BAMBI: variants seen among roughly 807,000 people sequenced by gnomAD.
The protein encoded by BAMBI is BMP and activin membrane-bound inhibitor homolog.
In BAMBI, 21 loss-of-function variants were observed where a neutral mutation model predicts 24.1. The ratio of observed to expected loss-of-function variants is 0.87; its 90% CI spans 0.62 to 1.26. BAMBI has a LOEUF of 1.26. Among genes scored for constraint, BAMBI ranks in the 50% most tolerant of loss-of-function variants. The pLI, the probability that BAMBI is intolerant of heterozygous loss-of-function variation, is 0.00. For missense variants in BAMBI, 388 were observed against 329.1 expected, an observed-to-expected ratio of 1.18 and a Z score of -1.38; for synonymous variants, 156 against 123.1, an observed-to-expected ratio of 1.27 and a Z score of -1.77.
In BAMBI at chr10:28,677,946, T is replaced by C; in HGVS notation, c.49T>C (p.Cys17Arg). ...YIFIWLQLEL[C>R]AMAVLLTKGE... ...CTTCATCTGGCTGCAGCTGGAGCTCTGCGCCATGGCCGTGCTGCTCACCAA... is the reference window on the plus strand; with the variant it reads ...CTTCATCTGGCTGCAGCTGGAGCTCCGCGCCATGGCCGTGCTGCTCACCAA... Residue 17 changes from cysteine (C) to arginine (R), a missense_variant, in exon 1 of 3, where the codon TGC becomes CGC. By Grantham distance (180) the Cys-to-Arg change is radical (BLOSUM62 -3). Transcript: ENST00000375533. 1 of 1,535,218 alleles carries C rather than the reference T, an allele frequency of 6.5e-7. No individual in the cohort carries two copies. The highest frequency in any genetic ancestry group is 8.7e-7 in the Non-Finnish European group (1 of 1,147,532).
chr10:28,677,981 C>A lies in BAMBI; in HGVS notation c.76+8C>A. 1 of 1,515,172 alleles carries A rather than the reference C, an allele frequency of 6.6e-7. No homozygotes were observed. The allele number at this position is 1,515,172 out of a possible 1,614,324, so 93.9% of individuals were successfully genotyped here. A position where few individuals can be genotyped will look rare whatever the true frequency, so the allele number is the denominator to read the frequency against. On this transcript the variant is annotated splice_region_variant and intron_variant, in intron 1 of 2. Transcript: ENST00000375533. ...CCGTGCTGCTCACCAAAGGTGGGTG[C>A]CGGGGGCGCACGGGGCCCGGGGTCC...
At position 28,682,283 on chromosome 10, in the gene BAMBI, A is replaced by G. The variant is rs1834507926; in HGVS notation, c.665A>G (p.His222Arg). ...DLECMVPVSG[H>R]ENCCLTCDKM... ...GAATGCATGGTGCCGGTCAGTGGGC[A>G]CGAGAACTGCTGTCTGACCTGTGAT... The change falls in exon 3 of 3, where the codon CAC becomes CGC. Residue 222 changes from histidine (H) to arginine (R), a missense_variant. By Grantham distance (29) the His-to-Arg change is conservative (BLOSUM62 0). Transcript: ENST00000375533. The G allele has an allele frequency of 3.1e-6, 5 of 1,614,048 alleles. No individual in the cohort carries two copies. The highest frequency in any genetic ancestry group is 4.2e-6 in the Non-Finnish European group (5 of 1,180,036).
chr10:28,681,367 T>A lies in BAMBI; in HGVS notation c.186T>A (p.Asn62Lys). 6.2e-7 allele frequency: 1 copy of A among 1,614,190 alleles called. No individual in the cohort carries two copies. The highest frequency in any genetic ancestry group is 1.3e-5 in the African/African-American group (1 of 75,062). ...GACTTCTTGATCCTCAGAACTCAAA[T>A]TCCCCACTCACCCATGGCTGCCTGG... ...FSRLLDPQNS[N>K]SPLTHGCLDS... The change falls in exon 2 of 3, where the codon AAT (asparagine) becomes AAA (lysine). Residue 62 changes from asparagine (N) to lysine (K), a missense_variant. Physicochemically the swap from Asn to Lys is moderately conservative, Grantham distance 94. Transcript: ENST00000375533.
chr10:28,682,288 A>T lies in BAMBI; in HGVS notation c.670A>T (p.Asn224Tyr). The change falls in exon 3 of 3, where the codon AAC becomes TAC. Residue 224 changes from asparagine (N) to tyrosine (Y), a missense_variant. Transcript: ENST00000375533. Reference protein sequence around the residue: ...ECMVPVSGHENCCLTCDKMRQ... With the variant: ...ECMVPVSGHEYCCLTCDKMRQ... Reference sequence around the variant, plus strand: ...CATGGTGCCGGTCAGTGGGCACGAGAACTGCTGTCTGACCTGTGATAAAAT... The same window carrying T: ...CATGGTGCCGGTCAGTGGGCACGAGTACTGCTGTCTGACCTGTGATAAAAT... 6.2e-7 allele frequency: 1 copy of T among 1,614,124 alleles called. No homozygotes were observed.
Position 28,679,318 on chromosome 10 carries a change from G to A in BAMBI, c.76+1345G>A, listed in dbSNP as rs187872884. ...AAAGAAGCCAGCAGTCTCTCCTGTA[G>A]CCATCTTGACTAAAGCAGACATTTT... is the stretch of plus-strand genomic sequence containing the variant. On this transcript the variant is annotated intron_variant, in intron 1 of 2. Transcript: ENST00000375533. Among the ~76,000 whole-genome samples the A allele has an allele frequency of 4.6e-5, 7 of 152,318 alleles. No individual in the cohort carries two copies. The East Asian group carries it at 1.4e-3, about 29-fold the overall frequency.
rs185161349 is a variant in BAMBI, at chr10:28,681,666, G to A, written c.364+121G>A. The stretch of plus-strand genomic sequence containing the variant: ...GTAATTAGAGACACCAGAGGGAGAA[G>A]CCTGGCTGGATGCAAAGATGCATCT... On this transcript the variant is annotated intron_variant, in intron 2 of 2. Transcript: ENST00000375533. 1.6e-5 allele frequency: 18 copies of A among 1,130,642 alleles called. No homozygotes were observed. In the Admixed American group the frequency reaches 4.1e-4, roughly 26 times the overall value. The allele number at this position is 1,130,642 out of a possible 1,614,324, so 70.0% of individuals were successfully genotyped here. A position where few individuals can be genotyped will look rare whatever the true frequency, so the allele number is the denominator to read the frequency against.
intron 1 of BAMBI, among the ~76,000 whole-genome samples, chr10:28,680,943 T>C (rs570542973): frequency 5.3e-5 from 8 of 152,336 alleles, no homozygotes; most frequent in African/African-American, 1.9e-4. Context: ...AATGAATAAA[T>C]AATGTGTTAT....
At chr10:28,680,531 C>A (rs911239514) in intron 1 of BAMBI, among the ~76,000 whole-genome samples, 1 of 149,924 alleles carries the variant, frequency 6.7e-6, no homozygotes, top group Non-Finnish European at 1.5e-5. Flanking sequence ...AGAAGTTAGC[C>A]TTGCAGTTTT....
intron 1 of BAMBI, among the ~76,000 whole-genome samples, chr10:28,680,805 A>C (rs1246207638): frequency 1.3e-5 from 2 of 152,224 alleles, no homozygotes; most frequent in African/African-American, 4.8e-5. Flanking sequence ...ATAAGGTGTT[A>C]GCTAAAGCTC....
At chr10:28,678,002 G>C in intron 1 of BAMBI, 29 bp downstream of exon 1, 1 of 1,502,718 alleles carries the variant, frequency 6.7e-7, no homozygotes, top group Non-Finnish European at 8.9e-7. Flanking sequence ...CGGGGCCCGG[G>C]GTCCCGTCCT....
chr10:28,680,048 T>G (rs1460504602), intron 1 of BAMBI, among the ~76,000 whole-genome samples: 1 of 152,088 alleles, frequency 6.6e-6, no homozygotes, highest in African/African-American at 2.4e-5. Flanking sequence ...GGACAGATAA[T>G]TAAATGAGAC....
chr10:28,682,168 C>T lies in BAMBI; in HGVS notation c.550C>T (p.Gln184Ter). The change falls in exon 3 of 3, where the codon CAG (glutamine) becomes TAG (stop). Residue 184 changes from glutamine to a stop codon, truncating the protein, a stop_gained. Coordinates refer to ENST00000375533, the MANE Select transcript of BAMBI (RefSeq NM_012342.3). LOFTEE classifies it high-confidence loss of function. ...GCTTCGAAGTGAAAATAAGAGGCTG[C>T]AGGATCAGCGGCAACAGATGCTCTC... is the stretch of plus-strand genomic sequence containing the variant. ...RMLRSENKRL[Q>*]DQRQQMLSRL... The T allele has an allele frequency of 1.9e-6, 3 of 1,614,138 alleles. No individual in the cohort carries two copies. Among genetic ancestry groups the T allele is most frequent in the Non-Finnish European group, 2.5e-6 (3 of 1,180,024 alleles).
At chr10:28,680,418 C>T (rs1834484503) in intron 1 of BAMBI, among the ~76,000 whole-genome samples, 1 of 152,094 alleles carries the variant, frequency 6.6e-6, no homozygotes, top group Admixed American at 6.6e-5. Context: ...TTTGAGGTTT[C>T]CTTAAGGATT....
intron 1 of BAMBI, among the ~76,000 whole-genome samples, chr10:28,678,295 G>A (rs1834459398): frequency 6.6e-6 from 1 of 152,240 alleles, no homozygotes; most frequent in African/African-American, 2.4e-5. Flanking sequence ...GCGGCCGGGA[G>A]GAATCGCAGA....
rs376669772 is a variant in BAMBI at position 28,681,379 on chromosome 10, C to T, written c.198C>T (p.Thr66=). The change falls in exon 2 of 3, where the codon ACC becomes ACT. Residue 66 remains threonine, a synonymous_variant. Coordinates refer to ENST00000375533, the MANE Select transcript of BAMBI (RefSeq NM_012342.3). ...CTCAGAACTCAAATTCCCCACTCAC[C>T]CATGGCTGCCTGGACTCTCTTGCAA... ...LDPQNSNSPL[T]HGCLDSLAST... 9 of 1,614,104 alleles carry T rather than the reference C, an allele frequency of 5.6e-6. No individual in the cohort carries two copies. In the African/African-American group the frequency reaches 8.0e-5, roughly 14 times the overall value.
chr10:28,677,950 C>T lies in BAMBI; in HGVS notation c.53C>T (p.Ala18Val). Residue 18 changes from alanine (A) to valine (V), a missense_variant, in exon 1 of 3, where the codon GCC becomes GTC. By Grantham distance (64) the Ala-to-Val change is moderately conservative. Coordinates refer to ENST00000375533, the MANE Select transcript of BAMBI (RefSeq NM_012342.3). Reference sequence around the variant, plus strand: ...ATCTGGCTGCAGCTGGAGCTCTGCGCCATGGCCGTGCTGCTCACCAAAGGT... The same window carrying T: ...ATCTGGCTGCAGCTGGAGCTCTGCGTCATGGCCGTGCTGCTCACCAAAGGT... ...IFIWLQLELC[A>V]MAVLLTKGEI... 2 of 1,532,080 alleles carry T rather than the reference C, an allele frequency of 1.3e-6. No homozygotes were observed. The highest frequency in any genetic ancestry group is 1.7e-6 in the Non-Finnish European group (2 of 1,145,836). The allele number at this position is 1,532,080 out of a possible 1,614,324, so 94.9% of individuals were successfully genotyped here. A position where few individuals can be genotyped will look rare whatever the true frequency, so the allele number is the denominator to read the frequency against.
Position 28,682,076 on chromosome 10 carries a change from C to CGGG in BAMBI, c.460_461insGGG (p.Ala153_Val154insGly). 3.7e-6 allele frequency: 6 copies of CGGG among 1,614,062 alleles called. No individual in the cohort carries two copies. Among genetic ancestry groups the CGGG allele is most frequent in the Non-Finnish European group, 5.1e-6 (6 of 1,179,994 alleles). On this transcript the variant is annotated inframe_insertion, in exon 3 of 3. Coordinates refer to ENST00000375533, the MANE Select transcript of BAMBI (RefSeq NM_012342.3). ...TCCAAAGAGTTGTGGTTCCGGGCAG[C>CGGG]GGTCATTGCCGTGCCCATTGCTGGA...
At chr10:28,679,084 A>G (rs1834469581) in intron 1 of BAMBI, among the ~76,000 whole-genome samples, 1 of 152,160 alleles carries the variant, frequency 6.6e-6, no homozygotes, top group South Asian at 2.1e-4. Flanking sequence ...GTGCTACAGT[A>G]TTTATTTATT....
chr10:28,682,125 T>C lies in BAMBI; in HGVS notation c.507T>C (p.Ile169=). 6.2e-7 allele frequency: 1 copy of C among 1,614,150 alleles called. No homozygotes were observed. Among genetic ancestry groups the C allele is most frequent in the Non-Finnish European group, 8.5e-7 (1 of 1,180,030 alleles). The change falls in exon 3 of 3, where the codon ATT becomes ATC. Residue 169 remains isoleucine (I), a synonymous_variant. Coordinates refer to ENST00000375533, the MANE Select transcript of BAMBI (RefSeq NM_012342.3). ...IAGGLILVLL[I]MLALRMLRSE... is the part of the protein sequence containing the mutation. The stretch of plus-strand genomic sequence containing the variant: ...GAGGGCTGATTTTAGTGTTGCTTAT[T>C]ATGTTGGCCCTGAGGATGCTTCGAA...
Sources: allele counts gnomAD v4.1 joint callset (sites outside exome capture counted in the v4.1 genomes callset), GRCh38; gene constraint gnomAD v4.1.1; transcripts MANE v1.5; gene names NCBI Gene and HGNC (gene_info 2026-07-23, HGNC 2026-07-21).